Variants in VEZF1 observed in about 807,000 individuals in gnomAD.
VEZF1 encodes the protein vascular endothelial zinc finger 1, also known as putative transcription factor DB1.
VEZF1 carries 5 observed loss-of-function variants against 44.1 expected under a neutral mutation model. The ratio of observed to expected loss-of-function variants is 0.11; its 90% CI spans 0.06 to 0.24. The LOEUF (loss-of-function observed/expected upper bound fraction) is 0.24, where lower values mean the gene tolerates loss of function less well. Ranked by LOEUF, VEZF1 falls within the 10% of genes least tolerant of loss-of-function variation. VEZF1 has a pLI of 1.00. For synonymous variants in VEZF1, 236 were observed against 233.1 expected (o/e 1.01, Z -0.11); for missense variants, 358 against 641.8 (o/e 0.56, Z 4.78).
In VEZF1 at chr17:57,983,179, A is replaced by T; in HGVS notation, c.248T>A (p.Phe83Tyr). The T allele has an allele frequency of 2.5e-6, 4 of 1,614,070 alleles. No individual in the cohort carries two copies. The highest frequency in any genetic ancestry group is 3.4e-6 in the Non-Finnish European group (4 of 1,179,978). Residue 83 changes from phenylalanine to tyrosine, a missense_variant, in exon 2 of 6, where the codon TTC becomes TAC. Coordinates refer to ENST00000581208, the MANE Select transcript of VEZF1 (RefSeq NM_007146.3). The part of the protein sequence containing the change: ...SFVCTYCSKA[F>Y]RDSYHLRRHE... The stretch of plus-strand genomic sequence containing the variant: ...GCGCCTCAGGTGATAGCTGTCCCTG[A>T]AAGCTTTACTGCAGTAAGTGCACAC...
rs1465220647 is a variant in VEZF1, at chr17:57,983,331, G to T, written c.96C>A (p.Ser32Arg). The change falls in exon 2 of 6, where the codon AGC becomes AGA. Residue 32 changes from serine (S) to arginine (R), a missense_variant. By Grantham distance (110) the Ser-to-Arg change is moderately radical (BLOSUM62 -1). Coordinates refer to ENST00000581208, the MANE Select transcript of VEZF1 (RefSeq NM_007146.3). ...AAQNSLLPLL[S>R]SAVEPPDQKP... ...TCTGATCAGGGGGCTCCACGGCAGA[G>T]CTCAGGAGGGGCAGCAAGCTGTTCT... 6.2e-7 allele frequency: 1 copy of T among 1,614,028 alleles called. No homozygotes were observed. Among genetic ancestry groups the T allele is most frequent in the East Asian group, 2.2e-5 (1 of 44,894 alleles).
chr17:57,973,155 C>T lies in VEZF1; in HGVS notation c.*1318G>A, dbSNP rs1194665283. 1.3e-5 allele frequency: 2 copies of T among 152,052 alleles called. No individual in the cohort carries two copies. The highest frequency in any genetic ancestry group is 4.8e-5 in the African/African-American group (2 of 41,390). 9.4% of individuals were successfully genotyped at this position (152,052 alleles called of 1,614,324 possible). A position where few individuals can be genotyped will look rare whatever the true frequency, so the allele number is the denominator to read the frequency against. On this transcript the variant is annotated 3_prime_UTR_variant, in exon 6 of 6. Transcript: ENST00000581208. ...GTGTAAAGAGTATCTGTTTCCCTAG[C>T]TTTTGGTTTCTACTTTATGTACAGA...
At chr17:57,982,303 A>C (rs1408123233) in intron 2 of VEZF1, among the ~76,000 whole-genome samples, 1 of 152,218 alleles carries the variant, frequency 6.6e-6, no homozygotes, top group Non-Finnish European at 1.5e-5. Flanking sequence ...AAAATGAAAA[A>C]ACATTCTAAA....
At position 57,983,103 on chromosome 17, in the gene VEZF1, G is replaced by C. The variant is rs146610067; in HGVS notation, c.324C>G (p.Thr108=). 6.2e-7 allele frequency: 1 copy of C among 1,614,210 alleles called. No homozygotes were observed. Among genetic ancestry groups the C allele is most frequent in the South Asian group, 1.1e-5 (1 of 91,090 alleles). ...GIKLVSRPKK[T]PTTVVPLIST... ...AGATAAGGGGAACCACCGTGGTGGG[G>C]GTTTTCTTTGGCCGGGACACCAACT... The change falls in exon 2 of 6, where the codon ACC becomes ACG. Residue 108 remains threonine (T), a synonymous_variant. Coordinates refer to ENST00000581208, the MANE Select transcript of VEZF1 (RefSeq NM_007146.3).
rs771586675 is a variant in VEZF1, at chr17:57,983,102, G to A, written c.325C>T (p.Pro109Ser). 27 of 1,614,090 alleles carry A rather than the reference G, an allele frequency of 1.7e-5. No homozygotes were observed. The South Asian group carries it at 2.9e-4, about 17-fold the overall frequency. The part of the protein sequence containing the change: ...IKLVSRPKKT[P>S]TTVVPLISTI... ...GAGATAAGGGGAACCACCGTGGTGGGGGTTTTCTTTGGCCGGGACACCAAC... is the reference window on the plus strand; with the variant it reads ...GAGATAAGGGGAACCACCGTGGTGGAGGTTTTCTTTGGCCGGGACACCAAC... The change falls in exon 2 of 6, where the codon CCC becomes TCC. Residue 109 changes from proline (P) to serine (S), a missense_variant. Pro to Ser is a moderately conservative substitution (Grantham distance 74, BLOSUM62 -1). This residue lies in a region of VEZF1 where 117 missense variants were observed against 207.2 expected (regional missense o/e 0.56). Coordinates refer to ENST00000581208, the MANE Select transcript of VEZF1 (RefSeq NM_007146.3).
chr17:57,981,992 C>T (rs2075253365), intron 2 of VEZF1, 56 bp from the exon 3 acceptor site: 1 of 1,563,434 alleles, frequency 6.4e-7, no homozygotes, highest in African/African-American at 1.4e-5. Flanking sequence ...AGAAATGCTA[C>T]TTATGTGATG....
At position 57,988,133 on chromosome 17, in the gene VEZF1, T is replaced by C; in HGVS notation, c.-22A>G. Reference sequence around the variant, plus strand: ...CCATGGCTGCGGCGGCCGACCCCCCTCCTCCCCACTCCCCCCGCTCGGGGA... The same window carrying C: ...CCATGGCTGCGGCGGCCGACCCCCCCCCTCCCCACTCCCCCCGCTCGGGGA... On this transcript the variant is annotated 5_prime_UTR_variant, in exon 1 of 6. Coordinates refer to ENST00000581208, the MANE Select transcript of VEZF1 (RefSeq NM_007146.3). 2.8e-6 allele frequency: 2 copies of C among 724,548 alleles called. No homozygotes were observed. The highest frequency in any genetic ancestry group is 6.0e-5 in the Admixed American group (1 of 16,786). 44.9% of individuals were successfully genotyped at this position (724,548 alleles called of 1,614,324 possible).
At chr17:57,975,861 G>C (rs998884227) in intron 5 of VEZF1, among the ~76,000 whole-genome samples, 1 of 152,116 alleles carries the variant, frequency 6.6e-6, no homozygotes, top group Non-Finnish European at 1.5e-5. Flanking sequence ...GCAGTAGCAT[G>C]ATCAAAGCTT....
rs1310314962 is a variant in VEZF1 at position 57,975,025 on chromosome 17, TCAA to T, written c.1139-128_1139-126del. The T allele has an allele frequency of 2.7e-6, 3 of 1,125,928 alleles. No homozygotes were observed. The African/African-American group carries it at 4.7e-5, about 18-fold the overall frequency. 69.7% of individuals were successfully genotyped at this position (1,125,928 alleles called of 1,614,324 possible). On this transcript the variant is annotated intron_variant, in intron 5 of 5. Transcript: ENST00000581208. ...TAATAAATCAAATTCCAGTTTTCTA[TCAA>T]GCGGTCAACAGAACAGAGGATCTTT... is the stretch of plus-strand genomic sequence containing the variant.
intron 5 of VEZF1, among the ~76,000 whole-genome samples, chr17:57,977,273 C>T (rs1472273959): frequency 1.3e-5 from 2 of 152,038 alleles, no homozygotes; most frequent in Non-Finnish European, 2.9e-5. Context: ...CGCACTGTCA[C>T]GTCCGGCTAA....
intron 1 of VEZF1, chr17:57,985,960 C>T (rs1230886358): frequency 6.6e-6 from 1 of 151,908 alleles, no homozygotes; most frequent in Non-Finnish European, 1.5e-5. Context: ...TACTTAAAAC[C>T]AGAACTGATT....
chr17:57,986,150 A>G (rs537710452), intron 1 of VEZF1: 1 of 152,370 alleles, frequency 6.6e-6, no homozygotes, highest in South Asian at 2.1e-4. Flanking sequence ...AATAGCTGAA[A>G]AAAATTAAAT....
At chr17:57,987,183 T>C (rs1319552304) in intron 1 of VEZF1, among the ~76,000 whole-genome samples, 1 of 152,094 alleles carries the variant, frequency 6.6e-6, no homozygotes, top group Non-Finnish European at 1.5e-5. Context: ...TTGTTTGCTC[T>C]CTCCACTTGG....
Position 57,979,294 on chromosome 17 carries a change from G to A in VEZF1, c.996C>T (p.Thr332=). Residue 332 remains threonine, a synonymous_variant, in exon 5 of 6, where the codon ACC becomes ACT. Coordinates refer to ENST00000581208, the MANE Select transcript of VEZF1 (RefSeq NM_007146.3). Reference sequence around the variant, plus strand: ...GCTGCTGCTGCTGCTTTTGGTTACTGGTCTCTTCACTCATGCATGCTATTA... The same window carrying A: ...GCTGCTGCTGCTGCTTTTGGTTACTAGTCTCTTCACTCATGCATGCTATTA... The part of the protein sequence containing the change: ...GISKTCMSEE[T]SNQKQQQQQQ... 2 of 1,613,094 alleles carry A rather than the reference G, an allele frequency of 1.2e-6. No individual in the cohort carries two copies. The highest frequency in any genetic ancestry group is 1.7e-6 in the Non-Finnish European group (2 of 1,179,616).
At position 57,979,193 on chromosome 17, in the gene VEZF1, G is replaced by A; in HGVS notation, c.1097C>T (p.Thr366Ile). The change falls in exon 5 of 6, where the codon ACA becomes ATA. Residue 366 changes from threonine to isoleucine, a missense_variant. By Grantham distance (89) the Thr-to-Ile change is moderately conservative. Transcript: ENST00000581208. ...AACAGCTTCTTCCCACAGTCTCAGTGTTTCTACTTGCTTCCCTGGCCAGCT... is the reference window on the plus strand; with the variant it reads ...AACAGCTTCTTCCCACAGTCTCAGTATTTCTACTTGCTTCCCTGGCCAGCT... ...VTSWPGKQVETLRLWEEAVKA... is the reference protein window; with the variant it reads ...VTSWPGKQVEILRLWEEAVKA... 1.2e-6 allele frequency: 2 copies of A among 1,613,784 alleles called. No individual in the cohort carries two copies. The highest frequency in any genetic ancestry group is 1.7e-6 in the Non-Finnish European group (2 of 1,180,028).
At chr17:57,987,539 G>A (rs2075308783) in intron 1 of VEZF1, among the ~76,000 whole-genome samples, 2 of 152,146 alleles carry the variant, frequency 1.3e-5, no homozygotes, top group South Asian at 2.1e-4. Flanking sequence ...CGGGGACACG[G>A]GAGGGGGTCA....
At position 57,982,755 on chromosome 17, in the gene VEZF1, A is replaced by G. The variant is rs373303915; in HGVS notation, c.672T>C (p.His224=). Residue 224 remains histidine, a synonymous_variant, in exon 2 of 6, where the codon CAT becomes CAC. Coordinates refer to ENST00000581208, the MANE Select transcript of VEZF1 (RefSeq NM_007146.3). The stretch of plus-strand genomic sequence containing the variant: ...TATAGGGTTTGGTGATGCCTCCTTC[A>G]TGAGACCTCACATGGTAAGTCATCC... ...KDRMTYHVRS[H]EGGITKPYTC... 5.0e-6 allele frequency: 8 copies of G among 1,614,104 alleles called. No individual in the cohort carries two copies. In the African/African-American group the frequency reaches 9.3e-5, roughly 19 times the overall value.
rs182440853 is a variant in VEZF1, at chr17:57,977,329, C to T, written c.1138+1823G>A. Among the ~76,000 whole-genome samples, 242 of 152,068 alleles carry T rather than the reference C, an allele frequency of 1.6e-3. 1 individual carries two copies. The highest frequency in any genetic ancestry group is 2.8e-3 in the Non-Finnish European group (193 of 67,976). On this transcript the variant is annotated intron_variant, in intron 5 of 5. Coordinates refer to ENST00000581208, the MANE Select transcript of VEZF1 (RefSeq NM_007146.3). ...TTTTGTAGAGATGGGGTCTTGCCAT[C>T]TTGCCCAGGCTGGTCTCAAACTCCT...
intron 1 of VEZF1, chr17:57,985,332 G>C (rs2075285134): frequency 8.1e-7 from 1 of 1,231,172 alleles, no homozygotes; most frequent in Non-Finnish European, 1.0e-6. Flanking sequence ...TCACAGGAGG[G>C]TCACACCAGG....
Sources: gnomAD v4.1 joint callset for allele counts (sites outside exome capture counted in the v4.1 genomes callset) on GRCh38, gnomAD v4.1.1 for gene constraint, gnomAD v4.1.1 regional missense constraint, MANE v1.5 for transcripts, NCBI Gene and HGNC (gene_info 2026-07-23, HGNC 2026-07-21) for gene names.